Variants in CFAP47 observed in about 807,000 individuals in gnomAD.
The protein encoded by CFAP47 is cilia- and flagella-associated protein 47.
In CFAP47, 29 loss-of-function variants were observed where a neutral mutation model predicts 148.1. The observed-to-expected ratio is 0.20, with a 90% confidence interval of 0.15 to 0.27. The LOEUF is 0.27. Ranked by LOEUF, CFAP47 falls within the 10% of genes least tolerant of loss-of-function variation. The pLI, the probability that CFAP47 is intolerant of heterozygous loss-of-function variation, is 1.00. For missense variants in CFAP47, 1,872 were observed against 1,697.5 expected, an observed-to-expected ratio of 1.10 and a Z score of -1.81; for synonymous variants, 664 against 577.3, an observed-to-expected ratio of 1.15 and a Z score of -2.15.
At chrX:36,127,937 T>G (rs1009785697) in intron 33 of CFAP47, among the ~76,000 whole-genome samples, 68 of 111,169 alleles carry the variant, frequency 6.1e-4, no homozygotes, top group African/African-American at 2.2e-3. Context: ...TTTTGCACAG[T>G]GATTTTGTAT....
intron 48 of CFAP47, among the ~76,000 whole-genome samples, chrX:36,243,873 T>G (rs2146916267): frequency 9.2e-6 from 1 of 108,551 alleles, no homozygotes; most frequent in South Asian, 4.1e-4. Flanking sequence ...CACACTTGTC[T>G]AATTGGACCT....
At chrX:36,362,533 A>G (rs1467820049) in intron 61 of CFAP47, among the ~76,000 whole-genome samples, 1 of 112,664 alleles carries the variant, frequency 8.9e-6, no homozygotes, top group African/African-American at 3.2e-5. Flanking sequence ...ATGGCTGCAT[A>G]TTATTCCATA....
chrX:36,365,799 G>A (rs1004327599), intron 61 of CFAP47: 12 of 111,055 alleles, frequency 1.1e-4, no homozygotes, highest in African/African-American at 3.9e-4. Context: ...CTGCATCCAT[G>A]TGTCTGAAAA....
chrX:36,157,877 G>C (rs1257387867), intron 37 of CFAP47, among the ~76,000 whole-genome samples: 2 of 111,404 alleles, frequency 1.8e-5, no homozygotes, highest in Non-Finnish European at 3.8e-5. Context: ...TATATACCTG[G>C]AAAAAGACCT....
chrX:36,006,358 G>A (rs973616085), intron 21 of CFAP47, among the ~76,000 whole-genome samples: 1 of 111,426 alleles, frequency 9.0e-6, no homozygotes, highest in African/African-American at 3.3e-5. Context: ...GATTTACTTA[G>A]TGTATTGGAG....
At chrX:36,274,756 T>A (rs1329712836) in intron 49 of CFAP47, among the ~76,000 whole-genome samples, 2 of 112,137 alleles carry the variant, frequency 1.8e-5, no homozygotes, top group Non-Finnish European at 3.8e-5. Context: ...ATCCTTAAGG[T>A]TTTCTGTATA....
chrX:36,322,033 C>G (rs1250132423), intron 57 of CFAP47, among the ~76,000 whole-genome samples: 1 of 110,811 alleles, frequency 9.0e-6, no homozygotes, highest in Non-Finnish European at 1.9e-5. Context: ...CTATATTGTG[C>G]TTTTTTGCTG....
At chrX:36,004,413 G>A (rs1936956932) in intron 21 of CFAP47, among the ~76,000 whole-genome samples, 1 of 111,165 alleles carries the variant, frequency 9.0e-6, no homozygotes, top group East Asian at 2.8e-4. Context: ...CTTCCCAAAA[G>A]AAGGGAAATG....
intron 59 of CFAP47, among the ~76,000 whole-genome samples, chrX:36,350,488 C>T (rs781966959): frequency 2.1e-3 from 231 of 110,815 alleles, no homozygotes; most frequent in African/African-American, 7.2e-3. Context: ...GTGTAACTCT[C>T]GATCTCATCT....
At chrX:36,077,847 T>G (rs1381451085) in intron 29 of CFAP47, among the ~76,000 whole-genome samples, 1 of 109,737 alleles carries the variant, frequency 9.1e-6, no homozygotes, top group East Asian at 2.9e-4. Flanking sequence ...GCCAACATGG[T>G]GAAACCCCAT....
Position 36,145,292 on chromosome X carries a change from C to A in CFAP47, c.5609C>A (p.Thr1870Lys), listed in dbSNP as rs1285488699. 1.3e-5 allele frequency: 4 copies of A among 297,643 alleles called. No homozygotes were observed. Among genetic ancestry groups the A allele is most frequent in the African/African-American group, 1.1e-4 (4 of 36,185 alleles). The allele number at this position is 297,643 out of a possible 1,213,427, so 24.5% of individuals were successfully genotyped here. Residue 1870 changes from threonine to lysine, a missense_variant, in exon 36 of 64, where the codon ACA becomes AAA. Thr to Lys is a moderately conservative substitution (Grantham distance 78). Transcript: ENST00000378653. ...GTCTACATGTATGAAAGACTCCCTACATATCTCCCTAAGAAGGTGGTGTCC... is the reference window on the plus strand; with the variant it reads ...GTCTACATGTATGAAAGACTCCCTAAATATCTCCCTAAGAAGGTGGTGTCC... Reference protein sequence around the residue: ...LCVYMYERLPTYLPKKVVSFE... With the variant: ...LCVYMYERLPKYLPKKVVSFE...
chrX:36,039,223 TTTTG>T (rs201762125), intron 25 of CFAP47, 44 bp downstream of exon 25: 55,939 of 670,996 alleles, frequency 0.083, 3,082 homozygotes, highest in African/African-American at 0.24. Flanking sequence ...TTATGTGCTT[TTTTG>T]TTTGTTTCTG....
chrX:36,244,903 C>CA (rs1317738905), intron 48 of CFAP47, among the ~76,000 whole-genome samples: 11 of 110,773 alleles, frequency 9.9e-5, no homozygotes, highest in African/African-American at 3.6e-4. Flanking sequence ...AGAGACACAA[C>CA]AAAAAAGGAT....
At position 36,384,865 on chromosome X, in the gene CFAP47, A is replaced by G. The variant is rs1053356710; in HGVS notation, c.9423A>G (p.Ala3141=). 1 of 1,167,010 alleles carries G rather than the reference A, an allele frequency of 8.6e-7. No homozygotes were observed. Among genetic ancestry groups the G allele is most frequent in the East Asian group, 3.3e-5 (1 of 30,764 alleles). ...CAACTACCGTGCCACCAAAAAATGC[A>G]AAAGCCAAAATTGATGCTACTCACA... The part of the protein sequence containing the change: ...LTPTTVPPKN[A]KAKIDATHKT... Residue 3141 remains alanine (A), a synonymous_variant, in exon 64 of 64, where the codon GCA becomes GCG. Transcript: ENST00000378653.
In CFAP47 at chrX:36,361,453, G is replaced by T; in HGVS notation, c.8975G>T (p.Arg2992Met). 1 of 1,086,891 alleles carries T rather than the reference G, an allele frequency of 9.2e-7. No homozygotes were observed. The highest frequency in any genetic ancestry group is 2.5e-4 in the Middle Eastern group (1 of 3,940). 89.6% of individuals were successfully genotyped at this position (1,086,891 alleles called of 1,213,427 possible). The change falls in exon 61 of 64, where the codon AGG becomes ATG. Residue 2992 changes from arginine to methionine, a missense_variant. Transcript: ENST00000378653. ...IEKSYDIMAK[R>M]ITFIFNLVFT... ...AAATCTTATGATATTATGGCTAAAA[G>T]GATAACATTTATCTTCAATCTGGTA...
rs908134008 is a variant in CFAP47 at position 36,020,988 on chromosome X, A to AT, written c.3556+6083dup. On this transcript the variant is annotated intron_variant, in intron 22 of 63. Transcript: ENST00000378653. ...TTTTTATGTTTAGTGTATCTGTTGT[A>AT]TTTTTTTGGTTTGAGGTTACCATGA... 5.4e-5 allele frequency among the ~76,000 whole-genome samples: 6 copies of AT among 110,437 alleles called. No homozygotes were observed. In the Admixed American group the frequency reaches 5.8e-4, roughly 11 times the overall value.
intron 15 of CFAP47, among the ~76,000 whole-genome samples, chrX:35,985,158 C>T (rs138721129): frequency 0.014 from 1,528 of 111,330 alleles, 28 homozygotes; most frequent in African/African-American, 0.048. Context: ...TATCTCAGCA[C>T]TCCTGGGCTG....
intron 1 of CFAP47, among the ~76,000 whole-genome samples, chrX:35,924,782 T>G (rs748178820): frequency 8.1e-5 from 9 of 111,271 alleles, no homozygotes; most frequent in Non-Finnish European, 5.7e-5. Context: ...ATTGTCAGAT[T>G]CAAGTTGTGT....
chrX:36,066,591 C>G (rs1427349816), intron 27 of CFAP47, among the ~76,000 whole-genome samples: 3 of 111,698 alleles, frequency 2.7e-5, no homozygotes, highest in African/African-American at 9.8e-5. Context: ...AGCTGGGAGC[C>G]AGGGCTCTCT....
Sources: gnomAD v4.1 joint callset for allele counts (sites outside exome capture counted in the v4.1 genomes callset) on GRCh38, gnomAD v4.1.1 for gene constraint, MANE v1.5 for transcripts, NCBI Gene and HGNC (gene_info 2026-07-23, HGNC 2026-07-21) for gene names.